PXDNL: variants seen among roughly 807,000 people sequenced by gnomAD.
PXDNL encodes peroxidasin like.
A neutral mutation model predicts 150.8 loss-of-function variants in PXDNL; 145 were observed. That is an observed-to-expected ratio of 0.96 (90% CI 0.84 to 1.10). The LOEUF (loss-of-function observed/expected upper bound fraction) is 1.10. Among genes scored for constraint, PXDNL ranks in the 50% least tolerant of loss-of-function variants. The pLI, the probability that PXDNL is intolerant of heterozygous loss-of-function variation, is 0.00. For missense variants in PXDNL, 2,087 were observed against 1,873.9 expected (o/e 1.11, Z -2.10); for synonymous variants, 757 against 725.7 (o/e 1.04, Z -0.69).
At chr8:51,381,520 A>G (rs1404656406) in intron 17 of PXDNL, among the ~76,000 whole-genome samples, 1 of 152,206 alleles carries the variant, frequency 6.6e-6, no homozygotes, top group East Asian at 1.9e-4. Context: ...GCCCCCCAGT[A>G]TCTGCTAATA....
chr8:51,349,966 A>C (rs1806285343), intron 19 of PXDNL, among the ~76,000 whole-genome samples: 1 of 152,210 alleles, frequency 6.6e-6, no homozygotes, highest in Non-Finnish European at 1.5e-5. Flanking sequence ...CAAAACTGAC[A>C]ATAAATTTGA....
At chr8:51,601,797 G>T (rs1371124435) in intron 2 of PXDNL, among the ~76,000 whole-genome samples, 3 of 146,692 alleles carry the variant, frequency 2.0e-5, no homozygotes, top group African/African-American at 5.0e-5. Context: ...TCTATTGTGG[G>T]TTTTTTTTTT....
At chr8:51,629,608 G>A (rs572435943) in intron 2 of PXDNL, among the ~76,000 whole-genome samples, 9 of 152,210 alleles carry the variant, frequency 5.9e-5, no homozygotes, top group East Asian at 1.9e-4. Flanking sequence ...CAAAAGATCC[G>A]CAGAGAGACA....
intron 1 of PXDNL, among the ~76,000 whole-genome samples, chr8:51,683,133 C>T (rs1373835791): frequency 7.5e-6 from 1 of 132,562 alleles, no homozygotes; most frequent in Admixed American, 8.3e-5. Context: ...GTTCCAATTT[C>T]TCCACATCCT....
chr8:51,532,125 C>G (rs1811920163), intron 4 of PXDNL, among the ~76,000 whole-genome samples: 1 of 152,188 alleles, frequency 6.6e-6, no homozygotes, highest in Non-Finnish European at 1.5e-5. Flanking sequence ...GCAAGGCATG[C>G]TTCTCTTAAG....
At chr8:51,556,674 C>G (rs978616455) in intron 4 of PXDNL, among the ~76,000 whole-genome samples, 166 bp downstream of exon 4, 1 of 152,170 alleles carries the variant, frequency 6.6e-6, no homozygotes, top group African/African-American at 2.4e-5. Context: ...TATGCCAACT[C>G]AATCATACAT....
At chr8:51,666,740 A>G (rs1815395492) in intron 1 of PXDNL, among the ~76,000 whole-genome samples, 1 of 152,084 alleles carries the variant, frequency 6.6e-6, no homozygotes, top group Admixed American at 6.6e-5. Flanking sequence ...GCACCTCCCA[A>G]GTCCCATGCC....
intron 1 of PXDNL, among the ~76,000 whole-genome samples, chr8:51,743,528 C>T (rs545853147): frequency 2.0e-5 from 3 of 152,162 alleles, no homozygotes; most frequent in Admixed American, 6.5e-5. Context: ...ATTAGAGGTG[C>T]CTGCCACCAC....
chr8:51,789,138 C>T (rs139578397), intron 1 of PXDNL, among the ~76,000 whole-genome samples: 1 of 151,876 alleles, frequency 6.6e-6, no homozygotes, highest in East Asian at 1.9e-4. Context: ...ATTTCAGGTT[C>T]TCAGTAGTCA....
intron 3 of PXDNL, among the ~76,000 whole-genome samples, chr8:51,577,983 GAA>G (rs1491134018): frequency 8.0e-3 from 653 of 81,194 alleles, no homozygotes; most frequent in Non-Finnish European, 0.01. Context: ...AAGAAAGAAA[GAA>G]AGAAAGAAAG....
intron 1 of PXDNL, among the ~76,000 whole-genome samples, chr8:51,799,449 T>C (rs2129262282): frequency 6.6e-6 from 1 of 152,288 alleles, no homozygotes; most frequent in South Asian, 2.1e-4. Flanking sequence ...TACAAGTAAA[T>C]AAAATAATTA....
intron 3 of PXDNL, among the ~76,000 whole-genome samples, chr8:51,574,700 T>C (rs1011833818): frequency 6.6e-6 from 1 of 152,000 alleles, no homozygotes; most frequent in Non-Finnish European, 1.5e-5. Context: ...CAAAGAATCA[T>C]AGGTATGACA....
Position 51,479,101 on chromosome 8 carries a change from C to G in PXDNL, c.525-3960G>C, listed in dbSNP as rs142243026. 5.1e-4 allele frequency among the ~76,000 whole-genome samples: 78 copies of G among 152,230 alleles called. 1 individual carries two copies. The highest frequency in any genetic ancestry group is 1.8e-3 in the African/African-American group (76 of 41,526). On this transcript the variant is annotated intron_variant, in intron 6 of 22. Transcript: ENST00000356297. ...AGTTATTTTTGCATGTGTGTTCCAG[C>G]AATTGAGTGAATGCTGTTTCAGTAA...
chr8:51,571,399 T>C (rs1812942277), intron 3 of PXDNL, among the ~76,000 whole-genome samples: 1 of 151,816 alleles, frequency 6.6e-6, no homozygotes, highest in Non-Finnish European at 1.5e-5. Flanking sequence ...GGAAAATAAA[T>C]AATTTGATAA....
chr8:51,627,561 A>G (rs1449379007), intron 2 of PXDNL, among the ~76,000 whole-genome samples: 7 of 152,164 alleles, frequency 4.6e-5, no homozygotes, highest in Non-Finnish European at 1.0e-4. Context: ...GTCAGCAAAC[A>G]TAAAATAGTA....
chr8:51,758,975 G>C (rs1213483387), intron 1 of PXDNL, among the ~76,000 whole-genome samples: 2 of 152,140 alleles, frequency 1.3e-5, no homozygotes, highest in Non-Finnish European at 1.5e-5. Flanking sequence ...TGGAAACTCA[G>C]TATCACCTTT....
chr8:51,472,934 T>C (rs1038673920), intron 7 of PXDNL, among the ~76,000 whole-genome samples: 2 of 152,214 alleles, frequency 1.3e-5, no homozygotes, highest in Non-Finnish European at 1.5e-5. Flanking sequence ...TAGTTTTCTA[T>C]AGTTTCACCT....
intron 5 of PXDNL, among the ~76,000 whole-genome samples, chr8:51,490,858 T>A (rs2130226206): frequency 6.6e-6 from 1 of 151,986 alleles, no homozygotes; most frequent in Non-Finnish European, 1.5e-5. Context: ...AAAAATCTAT[T>A]ACCTAGCTGT....
chr8:51,350,796 C>T (rs1806329447), intron 19 of PXDNL, among the ~76,000 whole-genome samples: 1 of 152,086 alleles, frequency 6.6e-6, no homozygotes. Context: ...TGCAGCCTGA[C>T]CTTTCAGACT....
Sources: allele counts gnomAD v4.1 joint callset (sites outside exome capture counted in the v4.1 genomes callset), GRCh38; gene constraint gnomAD v4.1.1; transcripts MANE v1.5; gene names NCBI Gene and HGNC (gene_info 2026-07-23, HGNC 2026-07-21).